The following UTRN variants were observed in gnomAD, a reference collection of about 807,000 sequenced individuals.
UTRN encodes utrophin, also known as dystrophin-related protein 1.
In UTRN, 283 loss-of-function variants were observed where a neutral mutation model predicts 463.9. The observed-to-expected ratio is 0.61, with a 90% CI of 0.55 to 0.67. UTRN has a LOEUF of 0.67. Among genes scored for constraint, UTRN ranks in the 30% least tolerant of loss-of-function variants. UTRN has a pLI of 0.00. For synonymous variants in UTRN, 1,442 were observed against 1,431.5 expected (o/e 1.01, Z -0.17); for missense variants, 3,922 against 4,084.3 (o/e 0.96, Z 1.08).
intron 2 of UTRN, among the ~76,000 whole-genome samples, chr6:144,386,587 T>G (rs1391552557): frequency 5.3e-5 from 8 of 152,048 alleles, no homozygotes; most frequent in Non-Finnish European, 8.8e-5. Flanking sequence ...AACTTCCAAT[T>G]TATACCCTTT....
chr6:144,303,160 A>G (rs1211237538), intron 2 of UTRN, among the ~76,000 whole-genome samples: 1 of 152,212 alleles, frequency 6.6e-6, no homozygotes, highest in Admixed American at 6.5e-5. Context: ...TAAGGAGTAT[A>G]AGGACTTGGA....
chr6:144,726,691 G>A (rs575429553), intron 53 of UTRN, among the ~76,000 whole-genome samples: 1 of 152,262 alleles, frequency 6.6e-6, no homozygotes, highest in South Asian at 2.1e-4. Flanking sequence ...TGAGAAAGGT[G>A]GAATGCTACA....
chr6:144,672,547 CCT>C (rs1438953336), intron 51 of UTRN, among the ~76,000 whole-genome samples: 1 of 151,786 alleles, frequency 6.6e-6, no homozygotes, highest in African/African-American at 2.4e-5. Context: ...TCATTTATAT[CCT>C]CTCTCTTCTT....
intron 51 of UTRN, among the ~76,000 whole-genome samples, chr6:144,598,337 G>C (rs977167476): frequency 8.5e-5 from 13 of 152,222 alleles, no homozygotes; most frequent in Admixed American, 7.9e-4. Flanking sequence ...CTGATTGGCA[G>C]TTGGTTGAAA....
intron 2 of UTRN, among the ~76,000 whole-genome samples, chr6:144,384,295 A>G (rs1435827975): frequency 6.6e-6 from 1 of 152,102 alleles, no homozygotes; most frequent in Non-Finnish European, 1.5e-5. Context: ...GTAATCGAGC[A>G]TTACCTCCTG....
rs1789173378 is a variant in UTRN at position 144,459,275 on chromosome 6, G to A, written c.2628G>A (p.Gln876=). The A allele has an allele frequency of 1.9e-6, 3 of 1,613,970 alleles. No homozygotes were observed. The highest frequency in any genetic ancestry group is 3.3e-5 in the Admixed American group (2 of 59,982). ...MSQPSAPDFV[Q]RGFDSFLGRY... The stretch of plus-strand genomic sequence containing the variant: ...AGCCTTCTGCCCCAGATTTTGTCCA[G>A]CGGGGCTTCGATAGCTTTCTGGGCC... The change falls in exon 21 of 75, where the codon CAG becomes CAA. Residue 876 remains glutamine, a synonymous_variant. Coordinates refer to ENST00000367545, the MANE Select transcript of UTRN (RefSeq NM_007124.3).
chr6:144,324,248 T>C (rs1180964089), intron 2 of UTRN, among the ~76,000 whole-genome samples: 3 of 152,220 alleles, frequency 2.0e-5, no homozygotes, highest in Non-Finnish European at 4.4e-5. Flanking sequence ...AATAAAACAT[T>C]AATGCAATTT....
At chr6:144,612,753 TGGG>T (rs1805659339) in intron 51 of UTRN, among the ~76,000 whole-genome samples, 1 of 151,954 alleles carries the variant, frequency 6.6e-6, no homozygotes, top group Admixed American at 6.6e-5. Flanking sequence ...ATATTGTGAG[TGGG>T]AATGTAAATT....
intron 48 of UTRN, among the ~76,000 whole-genome samples, chr6:144,553,316 G>C (rs540749673): frequency 6.6e-6 from 1 of 152,150 alleles, no homozygotes; most frequent in South Asian, 2.1e-4. Context: ...GGGATTACAG[G>C]TGTCAGCCAC....
At chr6:144,461,381 T>G (rs1789391921) in intron 22 of UTRN, 39 bp downstream of exon 22, 1 of 1,432,112 alleles carries the variant, frequency 7.0e-7, no homozygotes, top group Non-Finnish European at 9.2e-7. Context: ...TAGCGCTTCT[T>G]CTAATATCTC....
intron 51 of UTRN, among the ~76,000 whole-genome samples, chr6:144,601,614 C>T (rs1804258374): frequency 6.6e-6 from 1 of 152,116 alleles, no homozygotes; most frequent in Non-Finnish European, 1.5e-5. Context: ...GAGATGGAAT[C>T]TACTCCTGGT....
At chr6:144,823,665 A>G (rs924782749) in intron 66 of UTRN, among the ~76,000 whole-genome samples, 7 of 152,190 alleles carry the variant, frequency 4.6e-5, no homozygotes, top group African/African-American at 1.7e-4. Flanking sequence ...GATTAATTTT[A>G]TAACTATGCA....
chr6:144,487,774 C>A, intron 29 of UTRN, 77 bp downstream of exon 29: 1 of 1,371,360 alleles, frequency 7.3e-7, no homozygotes, highest in Non-Finnish European at 9.7e-7. Context: ...TATCATAGAG[C>A]TTTAATGTTG....
rs1385107623 is a variant in UTRN at position 144,523,198 on chromosome 6, A to G, written c.5906+10A>G. ...ACAGTGATCGGAAAGGGTATGTGTA[A>G]ATGAAATTAATATTTAATTTAAAAA... On this transcript the variant is annotated intron_variant, in intron 41 of 74. Transcript: ENST00000367545. 6.6e-7 allele frequency: 1 copy of G among 1,513,976 alleles called. No homozygotes were observed. Among genetic ancestry groups the G allele is most frequent in the Non-Finnish European group, 8.8e-7 (1 of 1,131,064 alleles). The allele number at this position is 1,513,976 out of a possible 1,614,324, so 93.8% of individuals were successfully genotyped here.
At chr6:144,299,387 C>T (rs1805034403) in intron 2 of UTRN, among the ~76,000 whole-genome samples, 1 of 152,212 alleles carries the variant, frequency 6.6e-6, no homozygotes, top group Non-Finnish European at 1.5e-5. Context: ...TACTTATAAA[C>T]ACTTCCCTTT....
At chr6:144,397,755 T>G (rs989190392) in intron 2 of UTRN, among the ~76,000 whole-genome samples, 2 of 152,216 alleles carry the variant, frequency 1.3e-5, no homozygotes, top group African/African-American at 4.8e-5. Flanking sequence ...TTTAAAGCCT[T>G]CTTTCCATTA....
At chr6:144,570,141 T>TG (rs1800804648) in intron 50 of UTRN, among the ~76,000 whole-genome samples, 1 of 152,042 alleles carries the variant, frequency 6.6e-6, no homozygotes, top group African/African-American at 2.4e-5. Flanking sequence ...TGGGATGCCT[T>TG]GGGGAAGGTA....
chr6:144,524,763 G>A (rs536546069), intron 41 of UTRN, among the ~76,000 whole-genome samples: 1 of 152,044 alleles, frequency 6.6e-6, no homozygotes, highest in Non-Finnish European at 1.5e-5. Context: ...TCCTTTTCTT[G>A]TTCCAGTTCT....
rs568930832 is a variant in UTRN at position 144,701,025 on chromosome 6, G to A, written c.7809+782G>A. Among the ~76,000 whole-genome samples, 5 of 152,196 alleles carry A rather than the reference G, an allele frequency of 3.3e-5. No homozygotes were observed. In the East Asian group the frequency reaches 9.7e-4, roughly 29 times the overall value. On this transcript the variant is annotated intron_variant, in intron 53 of 74. Coordinates refer to ENST00000367545, the MANE Select transcript of UTRN (RefSeq NM_007124.3). ...GGGTCCAAGAGATTCTCCTGCCTCA[G>A]CCTCCCAAGTAGCTGGGACTACAGG...
Sources: gnomAD v4.1 joint callset for allele counts (sites outside exome capture counted in the v4.1 genomes callset) on GRCh38, gnomAD v4.1.1 for gene constraint, MANE v1.5 for transcripts, NCBI Gene and HGNC (gene_info 2026-07-23, HGNC 2026-07-21) for gene names.